Variants in PARVG observed in about 807,000 individuals in gnomAD.
PARVG encodes the protein parvin gamma, also known as gamma-parvin.
Under a neutral mutation model 44.4 loss-of-function variants are expected in PARVG, and 36 were observed. That is an observed-to-expected ratio of 0.81 (90% CI 0.62 to 1.07). The LOEUF (loss-of-function observed/expected upper bound fraction) is 1.07, where lower values mean the gene tolerates loss of function less well. PARVG is among the 50% of genes least tolerant of loss of function. The probability of loss-of-function intolerance (pLI) is 0.00; values close to 1 mark genes in which losing one functional copy is unlikely to be tolerated. For missense variants in PARVG, 407 were observed against 407.4 expected (o/e 1.00, Z 0.01); for synonymous variants, 170 against 174.1 (o/e 0.98, Z 0.19).
chr22:44,198,507 A>G (rs1263928181), intron 11 of PARVG, 114 bp from the exon 12 acceptor site: 1 of 800,352 alleles, frequency 1.2e-6, no homozygotes, highest in Non-Finnish European at 2.1e-6. Context: ...TCATCAAGGC[A>G]CCAGAGGCTC....
At chr22:44,194,667 TATCC>T (rs539985877) in intron 9 of PARVG, among the ~76,000 whole-genome samples, 119 of 132,572 alleles carry the variant, frequency 9.0e-4, no homozygotes, top group African/African-American at 2.9e-3. Flanking sequence ...TCCATCAACC[TATCC>T]ATCCATCCAT....
intron 4 of PARVG, chr22:44,186,960 C>G: frequency 3.4e-6 from 1 of 292,992 alleles, no homozygotes; most frequent in South Asian, 3.2e-5. Context: ...AGGGCTGGGC[C>G]TTGATTCCCT....
At chr22:44,177,886 T>C (rs774492426), upstream of PARVG, among the ~76,000 whole-genome samples, 9 of 152,302 alleles carry the variant, frequency 5.9e-5, no homozygotes, top group Non-Finnish European at 1.3e-4. Context: ...TATTACTTAG[T>C]TAATATAGTG....
exon 1 of PARVG, chr22:44,173,108 C>T (rs1241210345): frequency 2.3e-6 from 3 of 1,289,454 alleles, no homozygotes; most frequent in Admixed American, 4.6e-5. Flanking sequence ...TGGTTCACAG[C>T]CCTTTGTGGG....
intron 9 of PARVG, among the ~76,000 whole-genome samples, chr22:44,195,229 A>G (rs2054602641): frequency 2.6e-5 from 4 of 152,188 alleles, no homozygotes; most frequent in Middle Eastern, 6.8e-3. Context: ...TATTTTGGGC[A>G]GGGGGCAGCA....
intron 12 of PARVG, among the ~76,000 whole-genome samples, chr22:44,205,521 G>A (rs1478805801): frequency 1.3e-5 from 2 of 152,246 alleles, no homozygotes; most frequent in African/African-American, 4.8e-5. Flanking sequence ...CCTGCTCAGA[G>A]TGGGGCCTGT....
chr22:44,182,460 T>G lies in PARVG; in HGVS notation c.-13+543T>G, dbSNP rs2054396842. Among the ~76,000 whole-genome samples the G allele has an allele frequency of 6.6e-6, 1 of 151,750 alleles. No homozygotes were observed. Among genetic ancestry groups the G allele is most frequent in the East Asian group, 2.0e-4 (1 of 5,128 alleles). ...CTCCATGCTACAGGGCAGGATGGAG[T>G]CTGGCATCCCCCGCCCCAGGCTGGC... is the stretch of plus-strand genomic sequence containing the variant. On this transcript the variant is annotated intron_variant, in intron 2 of 13. Transcript: ENST00000444313. This position sits in a 1 kb window ranked among gnomAD's most constrained non-coding sequence, Gnocchi z 4.6.
chr22:44,198,381 T>A (rs2054645941), intron 11 of PARVG, among the ~76,000 whole-genome samples: 1 of 152,188 alleles, frequency 6.6e-6, no homozygotes, highest in Admixed American at 6.5e-5. Flanking sequence ...GATATGAGGC[T>A]TTTCTGCAGT....
At chr22:44,181,327 G>C in intron 1 of PARVG, 142 bp downstream of exon 1, 1 of 985,514 alleles carries the variant, frequency 1.0e-6, no homozygotes, top group Non-Finnish European at 1.2e-6. Context: ...CCTCAGCTCA[G>C]GGGCGGGCAG....
In PARVG at chr22:44,208,393, C is replaced by T. The variant is rs1420051425; in HGVS notation, c.*1967C>T. ...AGTTCCCTTCTCCCAGCCCCTGGCC[C>T]TGGGGACCACTGATCTGTTTTCTGT... On this transcript the variant is annotated 3_prime_UTR_variant, in exon 14 of 14. Coordinates refer to ENST00000444313, the MANE Select transcript of PARVG (RefSeq NM_022141.7). The T allele has an allele frequency of 6.6e-6, 1 of 152,218 alleles. No individual in the cohort carries two copies. The highest frequency in any genetic ancestry group is 1.5e-5 in the Non-Finnish European group (1 of 68,038). The allele number at this position is 152,218 out of a possible 1,614,324, so 9.4% of individuals were successfully genotyped here.
chr22:44,191,388 ATTTTTTTTTTT>A (rs35954868), intron 7 of PARVG, among the ~76,000 whole-genome samples: 1 of 63,470 alleles, frequency 1.6e-5, no homozygotes, highest in South Asian at 7.8e-4. Flanking sequence ...AGTCATTTCT[ATTTTTTTTTTT>A]TTTTTTTTTT....
chr22:44,198,791 C>A, intron 12 of PARVG, 69 bp downstream of exon 12: 1 of 1,254,836 alleles, frequency 8.0e-7, no homozygotes, highest in Non-Finnish European at 1.2e-6. Flanking sequence ...CTGGCATGAC[C>A]AGTCTGTTTA....
chr22:44,181,619 G>C (rs2054378981), intron 1 of PARVG, 123 bp from the exon 2 acceptor site: 6 of 734,742 alleles, frequency 8.2e-6, no homozygotes, highest in Non-Finnish European at 1.0e-5. Context: ...TTGAGTTTAA[G>C]TGGCCTGCAG....
chr22:44,201,264 C>T (rs2054704295), intron 12 of PARVG, among the ~76,000 whole-genome samples: 1 of 152,162 alleles, frequency 6.6e-6, no homozygotes, highest in African/African-American at 2.4e-5. Flanking sequence ...CTCTCCTGGC[C>T]CTCTCCCCAC....
intron 12 of PARVG, among the ~76,000 whole-genome samples, chr22:44,198,925 C>CCCATCCATCCATCCATCCAT (rs1377821104): frequency 2.2e-4 from 10 of 46,246 alleles, no homozygotes; most frequent in Non-Finnish European, 3.7e-4. Context: ...CATCCATCTA[C>CCCATCCATCCATCCATCCAT]CCATCCATCC....
chr22:44,183,269 G>A, intron 2 of PARVG, 49 bp from the exon 3 acceptor site: 1 of 1,531,514 alleles, frequency 6.5e-7, no homozygotes, highest in South Asian at 1.2e-5. Flanking sequence ...GGCTCAGTGA[G>A]TTTGGGGCTT....
intron 6 of PARVG, 77 bp downstream of exon 6, chr22:44,189,331 C>T (rs2054518271): frequency 2.6e-6 from 4 of 1,553,912 alleles, no homozygotes; most frequent in Admixed American, 3.8e-5. Flanking sequence ...TTCTCACCCA[C>T]CAGGAAGGCG....
In PARVG at chr22:44,183,438, G is replaced by A. The variant is rs976552497; in HGVS notation, c.79+30G>A. 7 of 1,560,226 alleles carry A rather than the reference G, an allele frequency of 4.5e-6. No homozygotes were observed. The South Asian group carries it at 8.3e-5, about 19-fold the overall frequency. On this transcript the variant is annotated intron_variant, in intron 3 of 13. Coordinates refer to ENST00000444313, the MANE Select transcript of PARVG (RefSeq NM_022141.7). The stretch of plus-strand genomic sequence containing the variant: ...GTGCCCACGCAGGTCTGAGGGTGGA[G>A]GGTGAAGGTCTGTGTGGCAAGAGTG...
chr22:44,197,845 TATGTG>T (rs1030224266), intron 11 of PARVG, among the ~76,000 whole-genome samples: 3 of 152,356 alleles, frequency 2.0e-5, no homozygotes, highest in Admixed American at 2.0e-4. Flanking sequence ...TATTATATTT[TATGTG>T]GGTATAAACA....
Sources: allele counts gnomAD v4.1 joint callset (sites outside exome capture counted in the v4.1 genomes callset), GRCh38; gene constraint gnomAD v4.1.1; non-coding constraint Gnocchi (gnomAD v3.1); transcripts MANE v1.5; gene names NCBI Gene and HGNC (gene_info 2026-07-23, HGNC 2026-07-21).